FBXW4: variants seen among roughly 807,000 people sequenced by gnomAD.
The protein encoded by FBXW4 is F-box/WD repeat-containing protein 4.
FBXW4 carries 40 observed loss-of-function variants against 61.8 expected under a neutral mutation model. That is an observed-to-expected ratio of 0.65 (90% CI 0.50 to 0.84). The LOEUF (loss-of-function observed/expected upper bound fraction) is 0.84, where lower values mean the gene tolerates loss of function less well. FBXW4 is among the 40% of genes least tolerant of loss of function. The probability of loss-of-function intolerance (pLI) is 0.00; values close to 1 mark genes in which losing one functional copy is unlikely to be tolerated. For synonymous variants in FBXW4, 311 were observed against 313.8 expected (o/e 0.99, Z 0.10); for missense variants, 672 against 753.8 (o/e 0.89, Z 1.27).
At chr10:101,687,702 C>A (rs974547633) in intron 1 of FBXW4, among the ~76,000 whole-genome samples, 14 of 152,252 alleles carry the variant, frequency 9.2e-5, no homozygotes, top group Non-Finnish European at 2.1e-4. Flanking sequence ...AATACGAATC[C>A]CCCTCCAGGT....
chr10:101,640,972 T>C (rs1024055674), intron 5 of FBXW4, among the ~76,000 whole-genome samples: 1 of 151,772 alleles, frequency 6.6e-6, no homozygotes, highest in African/African-American at 2.4e-5. Flanking sequence ...CTGGGATTAC[T>C]GGCACCCGCC....
intron 5 of FBXW4, among the ~76,000 whole-genome samples, chr10:101,657,526 T>TG (rs1564916765): frequency 6.8e-6 from 1 of 146,150 alleles, no homozygotes; most frequent in African/African-American, 2.5e-5. Context: ...ACCAGCTACT[T>TG]GGGGGGCTGA....
intron 1 of FBXW4, among the ~76,000 whole-genome samples, chr10:101,689,142 A>AG (rs1275542549): frequency 6.6e-6 from 1 of 151,668 alleles, no homozygotes; most frequent in Non-Finnish European, 1.5e-5. Context: ...TGCAAAAAAA[A>AG]AAAATGAAAG....
chr10:101,675,179 CAT>C (rs1280272574), intron 2 of FBXW4, among the ~76,000 whole-genome samples: 1 of 152,186 alleles, frequency 6.6e-6, no homozygotes, highest in African/African-American at 2.4e-5. Context: ...TTACATGGAA[CAT>C]GTGTAGAGTG....
In FBXW4 at chr10:101,614,718, G is replaced by C. The variant is rs143111364; in HGVS notation, c.1302-2241C>G. 4.2e-3 allele frequency among the ~76,000 whole-genome samples: 641 copies of C among 152,266 alleles called. 1 individual carries two copies. Among genetic ancestry groups the C allele is most frequent in the Middle Eastern group, 0.01 (3 of 294 alleles). ...AAAGATACAATTTCTTTTGCCCCTG[G>C]GCCCAGGACCCTCAAGGCTCTGTTG... On this transcript the variant is annotated intron_variant, in intron 6 of 8. Transcript: ENST00000331272.
chr10:101,622,569 A>G (rs2134814041), intron 6 of FBXW4, among the ~76,000 whole-genome samples: 1 of 152,064 alleles, frequency 6.6e-6, no homozygotes, highest in South Asian at 2.1e-4. Flanking sequence ...CTACTAAAAG[A>G]TACAAAAAAT....
chr10:101,694,825 C>T lies in FBXW4; in HGVS notation c.281G>A (p.Gly94Glu), dbSNP rs2064659462. 1 of 1,308,290 alleles carries T rather than the reference C, an allele frequency of 7.6e-7. No homozygotes were observed. Among genetic ancestry groups the T allele is most frequent in the Admixed American group, 4.2e-5 (1 of 24,034 alleles). The allele number at this position is 1,308,290 out of a possible 1,614,324, so 81.0% of individuals were successfully genotyped here. A position where few individuals can be genotyped will look rare whatever the true frequency, so the allele number is the denominator to read the frequency against. The change falls in exon 1 of 9, where the codon GGG becomes GAG. Residue 94 changes from glycine to glutamate, a missense_variant. Gly to Glu is a moderately conservative substitution (Grantham distance 98). This residue lies in a region of FBXW4 where 311 missense variants were observed against 301.1 expected (regional missense o/e 1.03). Transcript: ENST00000331272. This position sits in a 1 kb window ranked among gnomAD's most constrained non-coding sequence, Gnocchi z 6.0. ...GACTCCCTTGACGATGCCTCTCGCC[C>T]CTTCCTCCACGCTTCTGCCTCCCTC... ...EAEGGRSVEE[G>E]ARGIVKGVEG...
At position 101,691,479 on chromosome 10, in the gene FBXW4, C is replaced by T. The variant is rs17114166; in HGVS notation, c.725+2902G>A. ...AGGACACCTTACCCTAGGACATGGG[C>T]GAGAAATCAAAACACACATGTCTAA... On this transcript the variant is annotated intron_variant, in intron 1 of 8. Coordinates refer to ENST00000331272, the MANE Select transcript of FBXW4 (RefSeq NM_022039.4). Among the ~76,000 whole-genome samples the T allele has an allele frequency of 4.5e-3, 683 of 152,218 alleles. 20 individuals carry two copies. In the East Asian group the frequency reaches 0.081, roughly 18 times the overall value.
intron 5 of FBXW4, among the ~76,000 whole-genome samples, chr10:101,654,780 A>G (rs572513943): frequency 2.0e-5 from 3 of 152,314 alleles, no homozygotes; most frequent in South Asian, 4.1e-4. Flanking sequence ...CATAGTATAA[A>G]ATATTTTATC....
intron 1 of FBXW4, among the ~76,000 whole-genome samples, chr10:101,693,432 C>A (rs958053069): frequency 6.6e-6 from 1 of 152,074 alleles, no homozygotes; most frequent in Non-Finnish European, 1.5e-5. Flanking sequence ...TCTCATTATG[C>A]GACAGCCCAC....
At chr10:101,660,199 G>A (rs955934777) in intron 5 of FBXW4, 8 of 985,288 alleles carry the variant, frequency 8.1e-6, no homozygotes, top group Admixed American at 6.1e-5. Flanking sequence ...GAGTAACACC[G>A]ACATCCTGAC....
At chr10:101,653,423 C>G (rs2064160313) in intron 5 of FBXW4, among the ~76,000 whole-genome samples, 1 of 152,184 alleles carries the variant, frequency 6.6e-6, no homozygotes, top group Non-Finnish European at 1.5e-5. Flanking sequence ...AAACTAGACT[C>G]CAAATTTCCC....
intron 6 of FBXW4, among the ~76,000 whole-genome samples, chr10:101,615,443 A>G (rs1333351214): frequency 6.6e-6 from 1 of 152,050 alleles, no homozygotes; most frequent in African/African-American, 2.4e-5. Context: ...ATAAAGACAG[A>G]TGGGGCCATC....
At chr10:101,643,748 C>T (rs751244951) in intron 5 of FBXW4, among the ~76,000 whole-genome samples, 25 of 152,274 alleles carry the variant, frequency 1.6e-4, no homozygotes, top group Admixed American at 5.2e-4. Flanking sequence ...TTCCCTCCCA[C>T]GGTAAGTGCT....
At chr10:101,641,590 AC>A (rs1396256367) in intron 5 of FBXW4, among the ~76,000 whole-genome samples, 1 of 151,840 alleles carries the variant, frequency 6.6e-6, no homozygotes, top group Admixed American at 6.6e-5. Context: ...CACAAGAGAA[AC>A]CAAGCAGAAA....
intron 5 of FBXW4, among the ~76,000 whole-genome samples, chr10:101,635,813 C>T (rs2063996218): frequency 6.6e-6 from 1 of 150,536 alleles, no homozygotes; most frequent in African/African-American, 2.4e-5. Context: ...TGTACTCCAA[C>T]CTGGGCAACA....
At position 101,682,838 on chromosome 10, in the gene FBXW4, G is replaced by GA. The variant is rs76575159; in HGVS notation, c.726-6403dup. ...CTGTAGTCCTTCAAATTTAGACTTTGAAAAAAAAAAAAAGTTCAATTTGGC... is the reference window on the plus strand; with the variant it reads ...CTGTAGTCCTTCAAATTTAGACTTTGAAAAAAAAAAAAAAGTTCAATTTGGC... On this transcript the variant is annotated intron_variant, in intron 1 of 8. Coordinates refer to ENST00000331272, the MANE Select transcript of FBXW4 (RefSeq NM_022039.4). Among the ~76,000 whole-genome samples the GA allele has an allele frequency of 2.9e-3, 408 of 139,344 alleles. 2 individuals are homozygous for GA. The highest frequency in any genetic ancestry group is 4.1e-3 in the Non-Finnish European group (260 of 63,488). 91.4% of individuals were successfully genotyped at this position (139,344 alleles called of 152,430 possible).
chr10:101,631,121 TAA>T (rs2063952200), intron 5 of FBXW4, among the ~76,000 whole-genome samples: 1 of 152,162 alleles, frequency 6.6e-6, no homozygotes, highest in African/African-American at 2.4e-5. Context: ...CTTGAATTAA[TAA>T]AGTTTAAAGC....
intron 1 of FBXW4, among the ~76,000 whole-genome samples, chr10:101,688,979 A>C (rs765485420): frequency 6.6e-6 from 1 of 152,206 alleles, no homozygotes; most frequent in Non-Finnish European, 1.5e-5. Flanking sequence ...ACCCAGAGCT[A>C]AGGTTAAGTT....
Sources: gnomAD v4.1 joint callset for allele counts (sites outside exome capture counted in the v4.1 genomes callset) on GRCh38, gnomAD v4.1.1 for gene constraint, gnomAD v4.1.1 regional missense constraint, Gnocchi (gnomAD v3.1) non-coding constraint, MANE v1.5 for transcripts, NCBI Gene and HGNC (gene_info 2026-07-23, HGNC 2026-07-21) for gene names.